The following MIB1 variants were observed in gnomAD, a reference collection of about 807,000 sequenced individuals.
The protein encoded by MIB1 is E3 ubiquitin-protein ligase MIB1.
MIB1 carries 278 observed loss-of-function variants against 124.5 expected under a neutral mutation model. The observed-to-expected ratio is 2.23, with a 90% CI of 2.02 to 2.47. MIB1 has a LOEUF of 2.47. MIB1 is among the 30% of genes most tolerant of loss of function. The pLI is 0.00. For missense variants in MIB1, 957 were observed against 1,254.4 expected (o/e 0.76, Z 3.58); for synonymous variants, 446 against 429.4 (o/e 1.04, Z -0.48).
In MIB1 at chr18:21,844,254, G is replaced by A; in HGVS notation, c.2211+1G>A. 6.2e-7 allele frequency: 1 copy of A among 1,613,852 alleles called. No homozygotes were observed. Among genetic ancestry groups the A allele is most frequent in the Admixed American group, 1.7e-5 (1 of 59,980 alleles). On this transcript the variant is annotated splice_donor_variant, in intron 15 of 20. Coordinates refer to ENST00000261537, the MANE Select transcript of MIB1 (RefSeq NM_020774.4). LOFTEE classifies it high-confidence loss of function. ...TGCCTGGGAGCCATCCAAAAACACG[G>A]TGAGTAAAGATCATCTTTCATTCAG...
In MIB1 at chr18:21,765,791, CAT is replaced by C; in HGVS notation, c.250_251del (p.Met84ValfsTer2). Reference sequence around the variant, plus strand: ...TAATAGGCATCAAGCATGATGGAACCATGTGTGATACCTGCCGCCAGCAACCA... The same window carrying C: ...TAATAGGCATCAAGCATGATGGAACCGTGTGATACCTGCCGCCAGCAACCA... The part of the protein sequence containing the change: ...APTGIKHDGT[M>X]CDTCRQQPII... On this transcript the variant is annotated frameshift_variant, in exon 2 of 21. Transcript: ENST00000261537. LOFTEE classifies it high-confidence loss of function. The C allele has an allele frequency of 6.2e-7, 1 of 1,613,926 alleles. No homozygotes were observed. Among genetic ancestry groups the C allele is most frequent in the Non-Finnish European group, 8.5e-7 (1 of 1,179,946 alleles).
chr18:21,742,208 C>G (rs1346387226), intron 1 of MIB1, among the ~76,000 whole-genome samples: 2 of 151,762 alleles, frequency 1.3e-5, no homozygotes, highest in African/African-American at 4.8e-5. Flanking sequence ...GCTTGCTTTG[C>G]CATATGGTGC....
chr18:21,772,304 A>G (rs1398675185), intron 3 of MIB1, among the ~76,000 whole-genome samples: 1 of 152,210 alleles, frequency 6.6e-6, no homozygotes, highest in East Asian at 1.9e-4. Flanking sequence ...AAGTATCAAG[A>G]TGGAGAAGAG....
chr18:21,716,523 C>T (rs2040690330), intron 1 of MIB1, among the ~76,000 whole-genome samples: 1 of 152,164 alleles, frequency 6.6e-6, no homozygotes, highest in Non-Finnish European at 1.5e-5. Context: ...TACCTCACAT[C>T]TCAATACTAA....
chr18:21,744,743 T>A (rs1432673793), intron 1 of MIB1, among the ~76,000 whole-genome samples: 1 of 152,242 alleles, frequency 6.6e-6, no homozygotes, highest in African/African-American at 2.4e-5. Flanking sequence ...GTTTTGCCCT[T>A]GTTAGTGCAT....
At chr18:21,817,154 CTTTTTTT>C (rs1040673828) in intron 11 of MIB1, among the ~76,000 whole-genome samples, 25 of 75,000 alleles carry the variant, frequency 3.3e-4, no homozygotes, top group East Asian at 1.8e-3. Context: ...GTTAGGAATT[CTTTTTTT>C]TTTTTTTTTT....
intron 1 of MIB1, among the ~76,000 whole-genome samples, chr18:21,734,416 G>A (rs898680663): frequency 3.3e-5 from 5 of 151,776 alleles, no homozygotes; most frequent in Admixed American, 3.3e-4. Context: ...TTCCTGCTTT[G>A]ATTTTAACAG....
intron 1 of MIB1, among the ~76,000 whole-genome samples, chr18:21,713,612 C>CAAAAAAA (rs57282241): frequency 6.8e-5 from 3 of 44,200 alleles, no homozygotes; most frequent in African/African-American, 1.5e-4. Flanking sequence ...GATTCTGTCT[C>CAAAAAAA]AAAAAAAAAA....
At chr18:21,788,010 C>T (rs572000343) in intron 6 of MIB1, among the ~76,000 whole-genome samples, 84 of 152,136 alleles carry the variant, frequency 5.5e-4, no homozygotes, top group African/African-American at 1.9e-3. Flanking sequence ...ATATGATTTG[C>T]GAACCTCCTC....
chr18:21,807,246 C>T (rs748753072), intron 10 of MIB1, among the ~76,000 whole-genome samples: 19 of 152,230 alleles, frequency 1.2e-4, no homozygotes, highest in Middle Eastern at 3.4e-3. Flanking sequence ...GCCTGGGCAA[C>T]GTGGCAAAAC....
At chr18:21,706,755 G>A (rs1032640572) in intron 1 of MIB1, among the ~76,000 whole-genome samples, 15 of 152,168 alleles carry the variant, frequency 9.9e-5, no homozygotes, top group African/African-American at 3.4e-4. Flanking sequence ...GCCTCCCCAC[G>A]GGGCAGGGCT....
At chr18:21,713,334 A>C (rs1252126901) in intron 1 of MIB1, among the ~76,000 whole-genome samples, 1 of 151,846 alleles carries the variant, frequency 6.6e-6, no homozygotes, top group South Asian at 2.1e-4. Flanking sequence ...ACTCTGGGCC[A>C]GGCGCGGTGG....
In MIB1 at chr18:21,791,287, C is replaced by T. The variant is rs1387144271; in HGVS notation, c.909-87C>T. 3 of 1,063,044 alleles carry T rather than the reference C, an allele frequency of 2.8e-6. No individual in the cohort carries two copies. The African/African-American group carries it at 4.8e-5, about 17-fold the overall frequency. 65.9% of individuals were successfully genotyped at this position (1,063,044 alleles called of 1,614,324 possible). On this transcript the variant is annotated intron_variant, in intron 6 of 20. Coordinates refer to ENST00000261537, the MANE Select transcript of MIB1 (RefSeq NM_020774.4). ...TCAGGATATAATTGCAAAGGATTGC[C>T]TTACTCTTTTGATCTTCACTGTTTA...
chr18:21,731,907 A>T (rs2040772626), intron 1 of MIB1, among the ~76,000 whole-genome samples: 1 of 152,112 alleles, frequency 6.6e-6, no homozygotes, highest in African/African-American at 2.4e-5. Flanking sequence ...TTTTGTAAGC[A>T]ATGATTCTAG....
At chr18:21,819,318 C>G (rs1223044083) in intron 11 of MIB1, among the ~76,000 whole-genome samples, 177 bp from the exon 12 acceptor site, 2 of 152,230 alleles carry the variant, frequency 1.3e-5, no homozygotes, top group Middle Eastern at 3.2e-3. Context: ...GGGTTACAGA[C>G]ATGAGCCAGC....
At chr18:21,745,153 A>G (rs1342413134) in intron 1 of MIB1, among the ~76,000 whole-genome samples, 1 of 152,228 alleles carries the variant, frequency 6.6e-6, no homozygotes, top group East Asian at 1.9e-4. Context: ...AGGAGACTGG[A>G]TAAGTTGTAT....
intron 12 of MIB1, chr18:21,825,392 T>G (rs1568216665): frequency 3.6e-6 from 1 of 279,816 alleles, no homozygotes; most frequent in African/African-American, 2.4e-5. Context: ...GAAGGAAGTT[T>G]TTGTTGTTGT....
At chr18:21,761,713 T>TTGTCTGTCCA (rs1470133716) in intron 1 of MIB1, among the ~76,000 whole-genome samples, 5 of 152,222 alleles carry the variant, frequency 3.3e-5, no homozygotes, top group Non-Finnish European at 7.3e-5. Context: ...CAGATGTCGC[T>TTGTCTGTCCA]TGTCTGTCCA....
At chr18:21,818,922 G>A (rs148697299) in intron 11 of MIB1, among the ~76,000 whole-genome samples, 276 of 152,120 alleles carry the variant, frequency 1.8e-3, no homozygotes, top group African/African-American at 6.2e-3. Context: ...GTGAAAGAGC[G>A]AAACTTGGTC....
Sources: allele counts gnomAD v4.1 joint callset (sites outside exome capture counted in the v4.1 genomes callset), GRCh38; gene constraint gnomAD v4.1.1; transcripts MANE v1.5; gene names NCBI Gene and HGNC (gene_info 2026-07-23, HGNC 2026-07-21).